STRN: variants seen among roughly 807,000 people sequenced by gnomAD.
STRN encodes the protein protein phosphatase 2 regulatory subunit B'''alpha.
A neutral mutation model predicts 96.3 loss-of-function variants in STRN; 53 were observed. That is an observed-to-expected ratio of 0.55 (90% CI 0.44 to 0.69). STRN has a LOEUF of 0.69. STRN is among the 30% of genes least tolerant of loss of function. The pLI is 0.00. For synonymous variants in STRN, 428 were observed against 355.9 expected (o/e 1.20, Z -2.28); for missense variants, 987 against 963.9 (o/e 1.02, Z -0.32).
intron 1 of STRN, among the ~76,000 whole-genome samples, chr2:36,958,627 A>G (rs1175897812): frequency 1.3e-5 from 2 of 152,222 alleles, no homozygotes; most frequent in Non-Finnish European, 2.9e-5. Flanking sequence ...TCGAGAATAA[A>G]GCATGGAGAG....
intron 6 of STRN, among the ~76,000 whole-genome samples, chr2:36,896,698 A>C (rs1196130063): frequency 1.3e-5 from 2 of 152,138 alleles, no homozygotes; most frequent in East Asian, 3.9e-4. Context: ...AAAAATAGTT[A>C]ATAGCTCTTA....
At chr2:36,852,130 C>T (rs1033219981) in intron 15 of STRN, among the ~76,000 whole-genome samples, 2 of 152,218 alleles carry the variant, frequency 1.3e-5, no homozygotes, top group African/African-American at 4.8e-5. Flanking sequence ...ATGGTTCATG[C>T]AGATCACACA....
intron 1 of STRN, among the ~76,000 whole-genome samples, chr2:36,942,052 A>G (rs1670858544): frequency 6.6e-6 from 1 of 152,124 alleles, no homozygotes; most frequent in Admixed American, 6.5e-5. Flanking sequence ...ACTGTGGCCA[A>G]ACACGGCTAT....
intron 15 of STRN, among the ~76,000 whole-genome samples, chr2:36,852,897 C>T (rs915566590): frequency 2.6e-5 from 4 of 152,190 alleles, no homozygotes; most frequent in Admixed American, 2.6e-4. Context: ...TAGCTCACAC[C>T]TGTAATCGCA....
chr2:36,955,310 G>A (rs1405668167), intron 1 of STRN, among the ~76,000 whole-genome samples: 1 of 152,164 alleles, frequency 6.6e-6, no homozygotes, highest in Non-Finnish European at 1.5e-5. Context: ...AACGGGGGAT[G>A]AGATTACTTA....
chr2:36,940,809 C>T (rs986396468), intron 1 of STRN, among the ~76,000 whole-genome samples: 1 of 144,678 alleles, frequency 6.9e-6, no homozygotes, highest in African/African-American at 2.6e-5. Flanking sequence ...TGCACAGCAG[C>T]CTGGGCGACT....
intron 10 of STRN, among the ~76,000 whole-genome samples, chr2:36,872,816 C>A (rs758721176): frequency 1.4e-4 from 21 of 152,052 alleles, no homozygotes; most frequent in Non-Finnish European, 2.8e-4. Context: ...ATTTGGACCA[C>A]CTCTGCACTA....
At chr2:36,876,138 T>C (rs1258951979) in intron 10 of STRN, among the ~76,000 whole-genome samples, 1 of 151,952 alleles carries the variant, frequency 6.6e-6, no homozygotes, top group Non-Finnish European at 1.5e-5. Flanking sequence ...GGTGTGATGG[T>C]GCGTGCCTAT....
rs563955902 is a variant in STRN, at chr2:36,932,087, T to G, written c.235-6879A>C. Among the ~76,000 whole-genome samples, 587 of 152,286 alleles carry G rather than the reference T, an allele frequency of 3.9e-3. 3 individuals are homozygous for G. Among genetic ancestry groups the G allele is most frequent in the African/African-American group, 0.014 (566 of 41,568 alleles). On this transcript the variant is annotated intron_variant, in intron 1 of 17. Coordinates refer to ENST00000263918, the MANE Select transcript of STRN (RefSeq NM_003162.4). The stretch of plus-strand genomic sequence containing the variant: ...CTCTCACCTTGGCCTCCCAAAGTGC[T>G]GGAAATACATGCATAAGCCACTGCA...
At chr2:36,922,274 T>G (rs1187312878) in intron 2 of STRN, among the ~76,000 whole-genome samples, 1 of 152,108 alleles carries the variant, frequency 6.6e-6, no homozygotes, top group African/African-American at 2.4e-5. Context: ...ATCACGGCAC[T>G]TTAAGAGGCT....
At position 36,846,353 on chromosome 2, in the gene STRN, AT is replaced by A. The variant is rs1362163321; in HGVS notation, c.*3102del. 4 of 139,608 alleles carry A rather than the reference AT, an allele frequency of 2.9e-5. No individual in the cohort carries two copies. Among genetic ancestry groups the A allele is most frequent in the Non-Finnish European group, 6.1e-5 (4 of 65,318 alleles). 8.6% of individuals were successfully genotyped at this position (139,608 alleles called of 1,614,324 possible). On this transcript the variant is annotated 3_prime_UTR_variant, in exon 18 of 18. Transcript: ENST00000263918. ...TCTGCTGTGTATACTACCTCCAAAAATGAAAATACAAAACAGTAAAATGCAC... is the reference window on the plus strand; with the variant it reads ...TCTGCTGTGTATACTACCTCCAAAAAGAAAATACAAAACAGTAAAATGCAC...
In STRN at chr2:36,899,693, C is replaced by G. The variant is rs778945435; in HGVS notation, c.660-35G>C. 2.6e-6 allele frequency: 4 copies of G among 1,528,436 alleles called. No homozygotes were observed. The East Asian group carries it at 9.4e-5, about 36-fold the overall frequency. 94.7% of individuals were successfully genotyped at this position (1,528,436 alleles called of 1,614,324 possible). On this transcript the variant is annotated intron_variant, in intron 5 of 17. Coordinates refer to ENST00000263918, the MANE Select transcript of STRN (RefSeq NM_003162.4). The stretch of plus-strand genomic sequence containing the variant: ...AACATGTATATCCTGCTTAGTTAAT[C>G]TTTTTAACTTCGACATAAGAAGTAA...
At chr2:36,934,991 T>C (rs1670667084) in intron 1 of STRN, among the ~76,000 whole-genome samples, 1 of 152,186 alleles carries the variant, frequency 6.6e-6, no homozygotes, top group South Asian at 2.1e-4. Context: ...GGCACAAGAA[T>C]CGCTTGAATT....
chr2:36,871,359 T>A (rs1668758772), intron 10 of STRN, among the ~76,000 whole-genome samples: 1 of 152,196 alleles, frequency 6.6e-6, no homozygotes, highest in African/African-American at 2.4e-5. Flanking sequence ...TTACACTGTA[T>A]TTTTACTGGA....
chr2:36,871,036 G>C (rs992263696), intron 10 of STRN, among the ~76,000 whole-genome samples: 1 of 152,114 alleles, frequency 6.6e-6, no homozygotes, highest in Non-Finnish European at 1.5e-5. Context: ...AGGATATAAA[G>C]GAAGAGAATA....
At chr2:36,861,477 T>C (rs1347973322) in intron 12 of STRN, among the ~76,000 whole-genome samples, 1 of 152,196 alleles carries the variant, frequency 6.6e-6, no homozygotes, top group Non-Finnish European at 1.5e-5. Flanking sequence ...GGTCTGTTTC[T>C]GTACAGTCCT....
chr2:36,957,744 CTTTTTTTTTTT>C (rs1159531782), intron 1 of STRN, among the ~76,000 whole-genome samples: 45 of 89,190 alleles, frequency 5.0e-4, no homozygotes, highest in African/African-American at 1.4e-3. Context: ...TTCTTTTTGT[CTTTTTTTTTTT>C]TTTTTTTTTT....
chr2:36,905,865 CTT>C (rs954065369), intron 3 of STRN, among the ~76,000 whole-genome samples: 2 of 152,158 alleles, frequency 1.3e-5, no homozygotes, highest in African/African-American at 4.8e-5. Flanking sequence ...TTTTCCCTGT[CTT>C]TAACTAGACT....
intron 6 of STRN, among the ~76,000 whole-genome samples, chr2:36,898,904 G>A (rs946695610): frequency 6.6e-6 from 1 of 152,074 alleles, no homozygotes. Flanking sequence ...AGAAGGGGAA[G>A]AGGGGAGAAA....
Sources: allele counts gnomAD v4.1 joint callset (sites outside exome capture counted in the v4.1 genomes callset), GRCh38; gene constraint gnomAD v4.1.1; transcripts MANE v1.5; gene names NCBI Gene and HGNC (gene_info 2026-07-23, HGNC 2026-07-21).